SNX29: variants seen among roughly 807,000 people sequenced by gnomAD.
The protein encoded by SNX29 is sorting nexin 29.
In SNX29, 78 loss-of-function variants were observed where a neutral mutation model predicts 102.1. That is an observed-to-expected ratio of 0.76 (90% confidence interval 0.64 to 0.92). SNX29 has a LOEUF of 0.92. Ranked by LOEUF, SNX29 falls within the 40% of genes least tolerant of loss-of-function variation. The pLI is 0.00. For missense variants in SNX29, 1,280 were observed against 1,061.7 expected (o/e 1.21, Z -2.86); for synonymous variants, 580 against 414.5 (o/e 1.40, Z -4.85).
At chr16:12,267,999 C>T (rs1010367494) in intron 14 of SNX29, among the ~76,000 whole-genome samples, 3 of 152,254 alleles carry the variant, frequency 2.0e-5, no homozygotes, top group South Asian at 2.1e-4. Context: ...TGTGGGTGCC[C>T]GCCCCAGGCC....
At chr16:11,996,061 GA>G (rs774382847) in intron 1 of SNX29, among the ~76,000 whole-genome samples, 203 of 129,854 alleles carry the variant, frequency 1.6e-3, no homozygotes, top group Middle Eastern at 3.9e-3. Context: ...CTCCGTCTCA[GA>G]AAAAAAAAAA....
At chr16:12,546,781 G>A (rs2077632917) in intron 20 of SNX29, 1 of 129,912 alleles carries the variant, frequency 7.7e-6, no homozygotes, top group South Asian at 2.6e-4. Context: ...ATGCAACAAA[G>A]GAAATTTTAA....
intron 13 of SNX29, among the ~76,000 whole-genome samples, chr16:12,190,781 C>G (rs1487705195): frequency 6.6e-6 from 1 of 152,020 alleles, no homozygotes; most frequent in Non-Finnish European, 1.5e-5. Context: ...GGGGTCGGGT[C>G]TAGCTTAGAG....
intron 18 of SNX29, among the ~76,000 whole-genome samples, chr16:12,405,611 C>A (rs1202336198): frequency 1.3e-5 from 2 of 152,178 alleles, no homozygotes; most frequent in East Asian, 3.8e-4. Context: ...AGAGCAAAAT[C>A]AGAGCATGTG....
intron 18 of SNX29, among the ~76,000 whole-genome samples, chr16:12,407,823 T>C (rs995014573): frequency 1.3e-4 from 20 of 152,258 alleles, no homozygotes; most frequent in African/African-American, 4.6e-4. Flanking sequence ...TCTTTAAAAA[T>C]CCTAAAAGCA....
rs1487754235 is a variant in SNX29 at position 12,572,519 on chromosome 16, T to G, written c.*3890T>G. On this transcript the variant is annotated 3_prime_UTR_variant, in exon 21 of 21. Transcript: ENST00000566228. The stretch of plus-strand genomic sequence containing the variant: ...GCCTCGGCCTTCCTGCTCCACGTGC[T>G]CAAGCCCCCACAGGGGGCTGCGACA... 9.4e-7 allele frequency: 1 copy of G among 1,064,096 alleles called. No homozygotes were observed. Among genetic ancestry groups the G allele is most frequent in the Non-Finnish European group, 1.1e-6 (1 of 878,590 alleles). 65.9% of individuals were successfully genotyped at this position (1,064,096 alleles called of 1,614,324 possible). A position where few individuals can be genotyped will look rare whatever the true frequency, so the allele number is the denominator to read the frequency against.
chr16:12,285,671 A>G (rs2079571576), intron 15 of SNX29, among the ~76,000 whole-genome samples: 1 of 152,194 alleles, frequency 6.6e-6, no homozygotes, highest in Non-Finnish European at 1.5e-5. Context: ...CCTGCCTCAT[A>G]AATTGGCACC....
chr16:12,567,326 C>G lies in SNX29; in HGVS notation c.2319-1180C>G, dbSNP rs1598116890. Among the ~76,000 whole-genome samples the G allele has an allele frequency of 3.9e-5, 6 of 152,252 alleles. No homozygotes were observed. In the South Asian group the frequency reaches 1.2e-3, roughly 32 times the overall value. ...CAGCAGCACAGAGGTGCTGCGGACG[C>G]AGGAGTGGACATGGATCCTGTTAGG... is the stretch of plus-strand genomic sequence containing the variant. On this transcript the variant is annotated intron_variant, in intron 20 of 20. Transcript: ENST00000566228.
At chr16:12,243,028 T>C (rs1379496633) in intron 14 of SNX29, among the ~76,000 whole-genome samples, 1 of 152,108 alleles carries the variant, frequency 6.6e-6, no homozygotes, top group Non-Finnish European at 1.5e-5. Context: ...CTGTGGAGGC[T>C]CCTGGGGAGT....
At chr16:12,246,614 C>T (rs1596620137) in intron 14 of SNX29, among the ~76,000 whole-genome samples, 3 of 152,074 alleles carry the variant, frequency 2.0e-5, no homozygotes, top group African/African-American at 4.8e-5. Flanking sequence ...GGTGACAGAG[C>T]GAGACTCCAT....
chr16:12,433,372 T>G (rs983774427), intron 18 of SNX29, among the ~76,000 whole-genome samples: 1 of 152,090 alleles, frequency 6.6e-6, no homozygotes, highest in East Asian at 1.9e-4. Flanking sequence ...GGCTCACACT[T>G]GTCAGCCCAG....
intron 13 of SNX29, among the ~76,000 whole-genome samples, chr16:12,183,255 C>T (rs1308869060): frequency 6.6e-6 from 1 of 152,132 alleles, no homozygotes; most frequent in African/African-American, 2.4e-5. Context: ...CCCGCCTTAG[C>T]CTCCCAAAGT....
At chr16:12,326,108 C>T (rs1160437291) in intron 15 of SNX29, among the ~76,000 whole-genome samples, 1 of 151,848 alleles carries the variant, frequency 6.6e-6, no homozygotes, top group Non-Finnish European at 1.5e-5. Context: ...TCACTGCAAC[C>T]TCTGCCTCCC....
At chr16:12,528,197 G>T (rs1304789929) in intron 20 of SNX29, among the ~76,000 whole-genome samples, 1 of 152,016 alleles carries the variant, frequency 6.6e-6, no homozygotes, top group African/African-American at 2.4e-5. Flanking sequence ...AAAAAATCCA[G>T]ACGTCAAGCT....
At chr16:12,438,393 C>T (rs767347958) in intron 18 of SNX29, among the ~76,000 whole-genome samples, 1 of 152,124 alleles carries the variant, frequency 6.6e-6, no homozygotes, top group African/African-American at 2.4e-5. Flanking sequence ...TCCTTTCCCC[C>T]TTACCACCCA....
intron 14 of SNX29, among the ~76,000 whole-genome samples, chr16:12,223,572 G>A (rs796809464): frequency 7.2e-5 from 11 of 152,344 alleles, no homozygotes; most frequent in African/African-American, 2.6e-4. Flanking sequence ...GCTGAGGCAG[G>A]AGAATCGCTT....
intron 18 of SNX29, among the ~76,000 whole-genome samples, chr16:12,422,178 C>T (rs188737948): frequency 3.9e-5 from 6 of 152,332 alleles, no homozygotes; most frequent in African/African-American, 1.2e-4. Context: ...GCTGTCTAGA[C>T]CTAGGTTTGC....
chr16:12,246,909 A>G (rs942731995), intron 14 of SNX29, among the ~76,000 whole-genome samples: 5 of 152,144 alleles, frequency 3.3e-5, no homozygotes, highest in African/African-American at 1.2e-4. Flanking sequence ...TCCCCTCGGC[A>G]GGTTTGTCTC....
At chr16:12,360,631 A>T (rs1017283373) in intron 16 of SNX29, among the ~76,000 whole-genome samples, 1 of 152,026 alleles carries the variant, frequency 6.6e-6, no homozygotes, top group African/African-American at 2.4e-5. Context: ...CCAGTATACA[A>T]ATGTAATCCC....
Sources: allele counts gnomAD v4.1 joint callset (sites outside exome capture counted in the v4.1 genomes callset), GRCh38; gene constraint gnomAD v4.1.1; transcripts MANE v1.5; gene names NCBI Gene and HGNC (gene_info 2026-07-23, HGNC 2026-07-21).